The following C20orf203 variants were observed in gnomAD, a reference collection of about 807,000 sequenced individuals.
The protein encoded by C20orf203 is chromosome 20 open reading frame 203.
Under a neutral mutation model 15.9 loss-of-function variants are expected in C20orf203, and 16 were observed. The observed-to-expected ratio is 1.01, with a 90% CI of 0.68 to 1.53. C20orf203 has a LOEUF of 1.53. Among genes scored for constraint, C20orf203 ranks in the 40% most tolerant of loss-of-function variants. C20orf203 has a pLI of 0.00. For missense variants in C20orf203, 263 were observed against 247.5 expected, an observed-to-expected ratio of 1.06 and a Z score of -0.42; for synonymous variants, 98 against 97.2, an observed-to-expected ratio of 1.01 and a Z score of -0.05.
chr20:32,640,067 T>A lies in C20orf203; in HGVS notation c.*1299+499A>T, dbSNP rs149646478. ...AAGAGGTCCCACAGCCAGGGAGTGGTGGAAGTAGAATTTGTTTTTATGTAG... is the reference window on the plus strand; with the variant it reads ...AAGAGGTCCCACAGCCAGGGAGTGGAGGAAGTAGAATTTGTTTTTATGTAG... On this transcript the variant is annotated intron_variant, in intron 5 of 5. Coordinates refer to ENST00000608990, the MANE Select transcript of C20orf203 (RefSeq NM_182584.4). Among the ~76,000 whole-genome samples, 143 of 152,262 alleles carry A rather than the reference T, an allele frequency of 9.4e-4. 1 individual carries two copies. The highest frequency in any genetic ancestry group is 7.5e-3 in the South Asian group (36 of 4,822).
intron 4 of C20orf203, among the ~76,000 whole-genome samples, chr20:32,644,116 T>C (rs1568747009): frequency 6.6e-6 from 1 of 152,270 alleles, no homozygotes; most frequent in East Asian, 1.9e-4. Context: ...CAGAAGGTTG[T>C]CAGGACAGAA....
At chr20:32,640,511 C>T (rs1182567597) in intron 5 of C20orf203, 55 bp downstream of exon 5, 2 of 151,746 alleles carry the variant, frequency 1.3e-5, no homozygotes, top group Non-Finnish European at 1.5e-5. Context: ...TGGCCAACAC[C>T]GTGAAACCCC....
chr20:32,668,968 A>G (rs574133181), intron 1 of C20orf203, among the ~76,000 whole-genome samples: 237 of 152,272 alleles, frequency 1.6e-3, no homozygotes, highest in Non-Finnish European at 2.6e-3. Context: ...AGACACTAAG[A>G]TGGTACAAGA....
At chr20:32,656,112 G>A (rs1263038724) in intron 1 of C20orf203, among the ~76,000 whole-genome samples, 2 of 152,196 alleles carry the variant, frequency 1.3e-5, no homozygotes, top group Non-Finnish European at 2.9e-5. Flanking sequence ...GCAGGTGCTG[G>A]TGCCATGTGT....
intron 1 of C20orf203, among the ~76,000 whole-genome samples, chr20:32,673,045 C>G (rs908644033): frequency 1.3e-5 from 2 of 152,084 alleles, no homozygotes; most frequent in Non-Finnish European, 2.9e-5. Context: ...TAAAAGAAGC[C>G]CCCTCAAGAC....
At chr20:32,668,173 T>G (rs1568756569) in intron 1 of C20orf203, among the ~76,000 whole-genome samples, 1 of 152,116 alleles carries the variant, frequency 6.6e-6, no homozygotes, top group African/African-American at 2.4e-5. Context: ...GGTAAATGGG[T>G]CTGTAAGAGT....
intron 5 of C20orf203, among the ~76,000 whole-genome samples, chr20:32,640,165 T>C (rs1395168017): frequency 6.6e-6 from 1 of 152,156 alleles, no homozygotes; most frequent in Non-Finnish European, 1.5e-5. Context: ...GCCAACAGAG[T>C]ATAATTTGGG....
In C20orf203 at chr20:32,651,018, C is replaced by T; in HGVS notation, c.135G>A (p.Arg45=). ...FPFTKTGMLS[R]ATSVLAGLTA... ...GGGAGACAGGGACAGCACTTCTTACCCGGCTCAGCATTCCAGTTTTTGTAA... is the reference window on the plus strand; with the variant it reads ...GGGAGACAGGGACAGCACTTCTTACTCGGCTCAGCATTCCAGTTTTTGTAA... Residue 45 remains arginine (R), a splice_region_variant and synonymous_variant, in exon 3 of 6, where the codon CGG becomes CGA. Coordinates refer to ENST00000608990, the MANE Select transcript of C20orf203 (RefSeq NM_182584.4). The T allele has an allele frequency of 1.3e-6, 2 of 1,487,580 alleles. No individual in the cohort carries two copies. 92.1% of individuals were successfully genotyped at this position (1,487,580 alleles called of 1,614,324 possible).
At chr20:32,665,674 G>C (rs1033639167) in intron 1 of C20orf203, among the ~76,000 whole-genome samples, 1 of 152,164 alleles carries the variant, frequency 6.6e-6, no homozygotes, top group Non-Finnish European at 1.5e-5. Context: ...ACGACAAAAA[G>C]GTTTTTTAAG....
chr20:32,655,973 T>C (rs1468635229), intron 1 of C20orf203, among the ~76,000 whole-genome samples: 1 of 152,204 alleles, frequency 6.6e-6, no homozygotes, highest in Non-Finnish European at 1.5e-5. Flanking sequence ...GAGGGAGTTC[T>C]TGCTCTGTTA....
At chr20:32,667,553 C>A (rs1600942351) in intron 1 of C20orf203, among the ~76,000 whole-genome samples, 3 of 152,344 alleles carry the variant, frequency 2.0e-5, no homozygotes, top group Admixed American at 6.5e-5. Context: ...AGGAAGAGAT[C>A]TGCGCAGTTG....
intron 4 of C20orf203, among the ~76,000 whole-genome samples, chr20:32,642,897 A>T (rs1045787963): frequency 3.3e-5 from 5 of 152,140 alleles, no homozygotes; most frequent in African/African-American, 1.2e-4. Flanking sequence ...CCTCACCTGT[A>T]GAATGGAGAC....
intron 4 of C20orf203, among the ~76,000 whole-genome samples, chr20:32,647,423 G>T (rs564117964): frequency 2.0e-5 from 3 of 151,334 alleles, no homozygotes; most frequent in South Asian, 4.2e-4. Flanking sequence ...AAGAACTAGG[G>T]TTTGGCTTGG....
chr20:32,650,336 T>G lies in C20orf203; in HGVS notation c.*96A>C. 3 of 869,440 alleles carry G rather than the reference T, an allele frequency of 3.5e-6. No homozygotes were observed. The highest frequency in any genetic ancestry group is 5.4e-6 in the Non-Finnish European group (3 of 554,834). The allele number at this position is 869,440 out of a possible 1,614,324, so 53.9% of individuals were successfully genotyped here. On this transcript the variant is annotated 3_prime_UTR_variant, in exon 4 of 6. Transcript: ENST00000608990. The stretch of plus-strand genomic sequence containing the variant: ...CCATCCCCCACTCTGGGGAGCAGAA[T>G]GATTGTGGGGGGTGGTAACAGGGGA...
chr20:32,647,512 T>C (rs1268188604), intron 4 of C20orf203, among the ~76,000 whole-genome samples: 3 of 152,112 alleles, frequency 2.0e-5, no homozygotes, highest in Non-Finnish European at 4.4e-5. Flanking sequence ...CAAACCAGCC[T>C]GGGCAACATA....
rs987355519 is a variant in C20orf203 at position 32,632,474 on chromosome 20, C to T, written c.*3096G>A. ...TTCTCCTCAGCCCCCAGTCCCCGCC[C>T]GGGAGAACCCATGTGCGCACTGGAG... On this transcript the variant is annotated 3_prime_UTR_variant, in exon 6 of 6. Transcript: ENST00000608990. The T allele has an allele frequency of 6.6e-6, 1 of 152,182 alleles. No homozygotes were observed. The highest frequency in any genetic ancestry group is 1.5e-5 in the Non-Finnish European group (1 of 68,030). The allele number at this position is 152,182 out of a possible 1,614,324, so 9.4% of individuals were successfully genotyped here.
At chr20:32,653,358 G>A (rs983786684) in intron 1 of C20orf203, among the ~76,000 whole-genome samples, 3 of 152,116 alleles carry the variant, frequency 2.0e-5, no homozygotes, top group African/African-American at 7.2e-5. Context: ...CTAGGGGAGG[G>A]AAGGCTGAGT....
At chr20:32,643,582 A>G (rs1390153724) in intron 4 of C20orf203, among the ~76,000 whole-genome samples, 1 of 151,076 alleles carries the variant, frequency 6.6e-6, no homozygotes, top group African/African-American at 2.4e-5. Flanking sequence ...CACCATTGTC[A>G]CATAGGCCTG....
chr20:32,642,967 G>A (rs999217345), intron 4 of C20orf203, among the ~76,000 whole-genome samples: 1 of 152,152 alleles, frequency 6.6e-6, no homozygotes, highest in African/African-American at 2.4e-5. Context: ...CAGGCTGCCG[G>A]TGGGAGGCTA....
Sources: allele counts gnomAD v4.1 joint callset (sites outside exome capture counted in the v4.1 genomes callset), GRCh38; gene constraint gnomAD v4.1.1; transcripts MANE v1.5; gene names NCBI Gene and HGNC (gene_info 2026-07-23, HGNC 2026-07-21).